The following ZMAT4 variants were observed in gnomAD, a reference collection of about 807,000 sequenced individuals.
ZMAT4 encodes the protein zinc finger matrin-type 4, also known as zinc finger matrin-type protein 4.
In ZMAT4, 17 loss-of-function variants were observed where a neutral mutation model predicts 28.7. The ratio of observed to expected loss-of-function variants is 0.59; its 90% CI spans 0.41 to 0.89. The LOEUF is 0.89. Ranked by LOEUF, ZMAT4 falls within the 40% of genes least tolerant of loss-of-function variation. The pLI, the probability that ZMAT4 is intolerant of heterozygous loss-of-function variation, is 0.00. For missense variants in ZMAT4, 240 were observed against 283.8 expected (o/e 0.85, Z 1.11); for synonymous variants, 117 against 109.2 (o/e 1.07, Z -0.44).
intron 5 of ZMAT4, among the ~76,000 whole-genome samples, chr8:40,583,943 C>T (rs570740423): frequency 6.6e-6 from 1 of 152,298 alleles, no homozygotes; most frequent in South Asian, 2.1e-4. Context: ...GCATTTGTCT[C>T]AGGTGAGCCT....
chr8:40,549,366 G>A (rs1803298276), intron 6 of ZMAT4, among the ~76,000 whole-genome samples: 1 of 152,176 alleles, frequency 6.6e-6, no homozygotes, highest in South Asian at 2.1e-4. Flanking sequence ...AACAGCTCCT[G>A]AGAAAGAAAG....
intron 3 of ZMAT4, among the ~76,000 whole-genome samples, chr8:40,765,432 A>G (rs1443715956): frequency 6.6e-6 from 1 of 152,218 alleles, no homozygotes; most frequent in Non-Finnish European, 1.5e-5. Context: ...ATCACTCTCA[A>G]AAAGTAAGAC....
intron 5 of ZMAT4, among the ~76,000 whole-genome samples, chr8:40,647,488 G>C (rs1027676330): frequency 2.6e-5 from 4 of 152,152 alleles, no homozygotes; most frequent in South Asian, 2.1e-4. Context: ...AGGTGGCAGC[G>C]AGGCTGGGGG....
chr8:40,888,886 G>C (rs2150669718), intron 1 of ZMAT4, among the ~76,000 whole-genome samples: 1 of 152,328 alleles, frequency 6.6e-6, no homozygotes, highest in South Asian at 2.1e-4. Flanking sequence ...CTTCTGGGAA[G>C]GAAGGATGAC....
At chr8:40,882,617 C>G (rs1277975005) in intron 1 of ZMAT4, among the ~76,000 whole-genome samples, 3 of 152,174 alleles carry the variant, frequency 2.0e-5, no homozygotes, top group Non-Finnish European at 4.4e-5. Context: ...ACCACCACCA[C>G]CAGCAGCGGC....
At chr8:40,670,396 A>G (rs1325755030) in intron 5 of ZMAT4, among the ~76,000 whole-genome samples, 2 of 152,230 alleles carry the variant, frequency 1.3e-5, no homozygotes, top group African/African-American at 4.8e-5. Flanking sequence ...TTTCAGATAC[A>G]TCATAATCCT....
intron 5 of ZMAT4, among the ~76,000 whole-genome samples, chr8:40,661,809 C>A (rs1463530764): frequency 6.6e-6 from 1 of 152,192 alleles, no homozygotes; most frequent in Admixed American, 6.5e-5. Context: ...CAAAATACTA[C>A]ACCCGTTCTT....
chr8:40,657,681 T>C (rs949912902), intron 5 of ZMAT4, among the ~76,000 whole-genome samples: 7 of 152,194 alleles, frequency 4.6e-5, no homozygotes, highest in African/African-American at 1.7e-4. Context: ...AAATTGTGAC[T>C]TTAATGAGAC....
chr8:40,770,433 A>C (rs959606942), intron 2 of ZMAT4, among the ~76,000 whole-genome samples: 1 of 151,378 alleles, frequency 6.6e-6, no homozygotes, highest in African/African-American at 2.4e-5. Context: ...CCTGCCTCCA[A>C]CCTAGGCCTG....
At chr8:40,813,029 T>C (rs1420250397) in intron 2 of ZMAT4, among the ~76,000 whole-genome samples, 2 of 151,198 alleles carry the variant, frequency 1.3e-5, no homozygotes, top group East Asian at 3.9e-4. Context: ...TAATAATGTA[T>C]TAATACTGGT....
chr8:40,806,588 T>C (rs1815093058), intron 2 of ZMAT4, among the ~76,000 whole-genome samples: 1 of 152,188 alleles, frequency 6.6e-6, no homozygotes, highest in South Asian at 2.1e-4. Flanking sequence ...AGGCAGTTCT[T>C]TATATTATTT....
intron 5 of ZMAT4, among the ~76,000 whole-genome samples, chr8:40,666,762 A>T (rs540691745): frequency 6.6e-6 from 1 of 152,220 alleles, no homozygotes; most frequent in African/African-American, 2.4e-5. Context: ...TTCAAACGAC[A>T]CAAGTTTGAA....
intron 1 of ZMAT4, among the ~76,000 whole-genome samples, chr8:40,881,556 A>AAGAG (rs1491513113): frequency 6.4e-4 from 62 of 97,466 alleles, no homozygotes; most frequent in African/African-American, 2.4e-3. Context: ...GAAAGAAAGA[A>AAGAG]AGAAAGAAAG....
chr8:40,824,518 T>C (rs914748698), intron 2 of ZMAT4, among the ~76,000 whole-genome samples: 4 of 151,884 alleles, frequency 2.6e-5, no homozygotes, highest in Non-Finnish European at 5.9e-5. Context: ...TAGTATATGT[T>C]CTTTTGAAAG....
intron 4 of ZMAT4, among the ~76,000 whole-genome samples, chr8:40,691,586 A>G (rs1410615810): frequency 1.3e-5 from 2 of 152,168 alleles, no homozygotes; most frequent in East Asian, 3.9e-4. Flanking sequence ...TGGAGTTACA[A>G]ATAAATCACA....
At chr8:40,673,448 G>A (rs888900292) in intron 5 of ZMAT4, among the ~76,000 whole-genome samples, 46 of 152,076 alleles carry the variant, frequency 3.0e-4, no homozygotes, top group African/African-American at 9.7e-4. Flanking sequence ...TTTAAACTGA[G>A]GTTGCCGTCT....
At chr8:40,736,488 A>G (rs559330298) in intron 3 of ZMAT4, among the ~76,000 whole-genome samples, 50 of 152,312 alleles carry the variant, frequency 3.3e-4, no homozygotes, top group Middle Eastern at 3.4e-3. Context: ...TATTTACAGA[A>G]CACCCACTAT....
intron 5 of ZMAT4, among the ~76,000 whole-genome samples, chr8:40,610,368 G>C (rs1805752756): frequency 6.6e-6 from 1 of 152,148 alleles, no homozygotes; most frequent in African/African-American, 2.4e-5. Flanking sequence ...CATGCCTTAG[G>C]TAGACACAAT....
At chr8:40,858,276 C>G (rs1445787431) in intron 1 of ZMAT4, among the ~76,000 whole-genome samples, 3 of 152,114 alleles carry the variant, frequency 2.0e-5, no homozygotes. Flanking sequence ...GGGGGTGAGG[C>G]GGTGCTCATT....
Sources: allele counts gnomAD v4.1 joint callset (sites outside exome capture counted in the v4.1 genomes callset), GRCh38; gene constraint gnomAD v4.1.1; transcripts MANE v1.5; gene names NCBI Gene and HGNC (gene_info 2026-07-23, HGNC 2026-07-21).